GPT2: variants seen among roughly 807,000 people sequenced by gnomAD.
GPT2 encodes alanine aminotransferase 2.
GPT2 carries 30 observed loss-of-function variants against 56.9 expected under a neutral mutation model. That is an observed-to-expected ratio of 0.53 (90% CI 0.39 to 0.72). The LOEUF is 0.72. Among genes scored for constraint, GPT2 ranks in the 30% least tolerant of loss-of-function variants. The pLI is 0.00. For missense variants in GPT2, 542 were observed against 703.4 expected (o/e 0.77, Z 2.60); for synonymous variants, 271 against 283.1 (o/e 0.96, Z 0.43).
chr16:46,889,477 A>G (rs1027905973), intron 2 of GPT2, among the ~76,000 whole-genome samples: 2 of 151,836 alleles, frequency 1.3e-5, no homozygotes, highest in African/African-American at 4.8e-5. Flanking sequence ...CTGGTCTCAG[A>G]CTGCTAGCCT....
chr16:46,911,836 C>T (rs1961052466), intron 6 of GPT2, among the ~76,000 whole-genome samples: 2 of 152,204 alleles, frequency 1.3e-5, no homozygotes, highest in African/African-American at 4.8e-5. Context: ...ACCTAGTCCA[C>T]ATCACAGAGT....
intron 4 of GPT2, among the ~76,000 whole-genome samples, chr16:46,904,652 A>T (rs1239949192): frequency 6.6e-6 from 1 of 152,150 alleles, no homozygotes; most frequent in Non-Finnish European, 1.5e-5. Context: ...GGGCTTGCTA[A>T]TGGGTGAAGG....
At position 46,909,836 on chromosome 16, in the gene GPT2, G is replaced by A; in HGVS notation, c.729G>A (p.Leu243=). 6.2e-7 allele frequency: 1 copy of A among 1,614,188 alleles called. No homozygotes were observed. Among genetic ancestry groups the A allele is most frequent in the South Asian group, 1.1e-5 (1 of 91,080 alleles). Residue 243 remains leucine (L), a synonymous_variant, in exon 6 of 12, where the codon CTG becomes CTA. Transcript: ENST00000340124. ...YYLDEENCWA[L]NVNELRRAVQ... is the part of the protein sequence containing the mutation. ...TGGACGAGGAGAACTGCTGGGCGCT[G>A]AATGTGAATGAGCTCCGGCGGGCGG...
rs548296083 is a variant in GPT2, at chr16:46,920,074, G to T, written c.1037+1317G>T. Reference sequence around the variant, plus strand: ...AATGTTTTAAAACTCAGCCAGGTTTGGTGGTGCGCGCTTCCAGCTACTCAG... The same window carrying T: ...AATGTTTTAAAACTCAGCCAGGTTTTGTGGTGCGCGCTTCCAGCTACTCAG... On this transcript the variant is annotated intron_variant, in intron 8 of 11. Transcript: ENST00000340124. 5.3e-5 allele frequency among the ~76,000 whole-genome samples: 8 copies of T among 152,322 alleles called. No homozygotes were observed. The East Asian group carries it at 1.5e-3, about 29-fold the overall frequency.
At chr16:46,926,844 T>G in intron 10 of GPT2, 81 bp from the exon 11 acceptor site, 103 of 870,836 alleles carry the variant, frequency 1.2e-4, no homozygotes, top group Non-Finnish European at 1.5e-4. Context: ...AGACCTGCCA[T>G]TTAGATTACA....
At position 46,909,938 on chromosome 16, in the gene GPT2, T is replaced by A; in HGVS notation, c.820+11T>A. 7 of 1,583,424 alleles carry A rather than the reference T, an allele frequency of 4.4e-6. No individual in the cohort carries two copies. The highest frequency in any genetic ancestry group is 6.0e-6 in the Non-Finnish European group (7 of 1,160,098). On this transcript the variant is annotated intron_variant, in intron 6 of 11. Transcript: ENST00000340124. ...CTGGGAACCCCACAGGTCTGCACTTTACTTCCTCACCAGTTTCGTAGAGGG... is the reference window on the plus strand; with the variant it reads ...CTGGGAACCCCACAGGTCTGCACTTAACTTCCTCACCAGTTTCGTAGAGGG...
Position 46,884,400 on chromosome 16 carries a change from CG to C in GPT2, c.-86del. 1 of 215,870 alleles carries C rather than the reference CG, an allele frequency of 4.6e-6. No homozygotes were observed. Among genetic ancestry groups the C allele is most frequent in the Non-Finnish European group, 9.1e-6 (1 of 110,076 alleles). The allele number at this position is 215,870 out of a possible 1,614,324, so 13.4% of individuals were successfully genotyped here. A position where few individuals can be genotyped will look rare whatever the true frequency, so the allele number is the denominator to read the frequency against. ...GGCGCGGGGATGCGGCTGTGGGCGCCGGGGCCGGGTAGCTGCTCCAGGCGCG... is the reference window on the plus strand; with the variant it reads ...GGCGCGGGGATGCGGCTGTGGGCGCCGGGCCGGGTAGCTGCTCCAGGCGCG... On this transcript the variant is annotated 5_prime_UTR_variant, in exon 1 of 12. It removes the in-frame stop codon of an upstream open reading frame in the 5' UTR. Transcript: ENST00000340124.
intron 8 of GPT2, among the ~76,000 whole-genome samples, chr16:46,921,885 G>A (rs143022441): frequency 0.012 from 1,845 of 152,140 alleles, 34 homozygotes; most frequent in African/African-American, 0.042. Context: ...TTAGCCAGGC[G>A]TGGTGGCACA....
chr16:46,904,774 GTC>G (rs1960886879), intron 4 of GPT2, among the ~76,000 whole-genome samples: 1 of 152,152 alleles, frequency 6.6e-6, no homozygotes, highest in African/African-American at 2.4e-5. Flanking sequence ...GTCCTAGAAG[GTC>G]TCTCTTACAG....
At position 46,925,590 on chromosome 16, in the gene GPT2, G is replaced by T. The variant is rs562140718; in HGVS notation, c.1368+1046G>T. Among the ~76,000 whole-genome samples the T allele has an allele frequency of 1.6e-4, 25 of 152,182 alleles. No homozygotes were observed. In the South Asian group the frequency reaches 2.3e-3, roughly 14 times the overall value. Reference sequence around the variant, plus strand: ...TCACACCTGTGGTCTCAGCACTTTGGGAGGCTGAAGTGGGAGGATCATTTG... The same window carrying T: ...TCACACCTGTGGTCTCAGCACTTTGTGAGGCTGAAGTGGGAGGATCATTTG... On this transcript the variant is annotated intron_variant, in intron 10 of 11. Transcript: ENST00000340124.
At chr16:46,906,492 C>T (rs1024242183) in intron 4 of GPT2, among the ~76,000 whole-genome samples, 6 of 152,094 alleles carry the variant, frequency 3.9e-5, no homozygotes, top group Admixed American at 1.3e-4. Flanking sequence ...CATATAAATC[C>T]GAGGAGGGTG....
chr16:46,920,554 A>G (rs1961266435), intron 8 of GPT2, among the ~76,000 whole-genome samples: 2 of 152,202 alleles, frequency 1.3e-5, no homozygotes, highest in African/African-American at 4.8e-5. Flanking sequence ...TGTGTTCCCA[A>G]CGTGGTGGGG....
At position 46,918,668 on chromosome 16, in the gene GPT2, C is replaced by G; in HGVS notation, c.948C>G (p.Phe316Leu). The change falls in exon 8 of 12, where the codon TTC (phenylalanine) becomes TTG (leucine). Residue 316 changes from phenylalanine to leucine, a missense_variant. Coordinates refer to ENST00000340124, the MANE Select transcript of GPT2 (RefSeq NM_133443.4). ...VYSPDCRFHS[F>L]KKVLYEMGPE... ...CTCCAGATTGCAGATTCCACTCCTT[C>G]AAGAAGGTGCTGTACGAGATGGGGC... The G allele has an allele frequency of 6.2e-7, 1 of 1,614,214 alleles. No individual in the cohort carries two copies. The highest frequency in any genetic ancestry group is 8.5e-7 in the Non-Finnish European group (1 of 1,180,034).
chr16:46,905,059 C>CT (rs747352054), intron 4 of GPT2, among the ~76,000 whole-genome samples: 4,051 of 134,542 alleles, frequency 0.03, 57 homozygotes, highest in Middle Eastern at 0.053. Flanking sequence ...CAGTTCAGGG[C>CT]TTTTTTTTTT....
At chr16:46,913,108 C>T (rs945939031) in intron 6 of GPT2, among the ~76,000 whole-genome samples, 4 of 152,222 alleles carry the variant, frequency 2.6e-5, no homozygotes, top group Admixed American at 2.0e-4. Flanking sequence ...ACTGTTCATG[C>T]ACTTATCTGT....
intron 6 of GPT2, among the ~76,000 whole-genome samples, chr16:46,910,367 C>A (rs998732090): frequency 9.5e-6 from 1 of 104,808 alleles, no homozygotes; most frequent in African/African-American, 3.8e-5. Context: ...GGTGACAGAG[C>A]GAGACTCTGT....
chr16:46,893,244 C>T (rs535620467), intron 2 of GPT2, among the ~76,000 whole-genome samples: 1 of 152,358 alleles, frequency 6.6e-6, no homozygotes, highest in East Asian at 1.9e-4. Context: ...CATTCTCCTA[C>T]CTCAGCCTCC....
intron 4 of GPT2, among the ~76,000 whole-genome samples, chr16:46,903,662 T>A (rs1239534754): frequency 6.6e-6 from 1 of 152,156 alleles, no homozygotes; most frequent in East Asian, 1.9e-4. Flanking sequence ...GTCCTGGATC[T>A]CAATGGGGTT....
Position 46,884,687 on chromosome 16 carries a change from G to A in GPT2, c.-22-7G>A. The A allele has an allele frequency of 2.9e-6, 4 of 1,370,128 alleles. No homozygotes were observed. Among genetic ancestry groups the A allele is most frequent in the Non-Finnish European group, 3.8e-6 (4 of 1,059,622 alleles). The allele number at this position is 1,370,128 out of a possible 1,614,324, so 84.9% of individuals were successfully genotyped here. ...ACGTGTTTGTTCTTTTTCTCTTTTT[G>A]TGCCAGGGTTTCTCTCCGCAAGCGC... On this transcript the variant is annotated splice_region_variant and splice_polypyrimidine_tract_variant and intron_variant, in intron 1 of 11. Transcript: ENST00000340124.
Sources: allele counts gnomAD v4.1 joint callset (sites outside exome capture counted in the v4.1 genomes callset), GRCh38; gene constraint gnomAD v4.1.1; transcripts MANE v1.5; gene names NCBI Gene and HGNC (gene_info 2026-07-23, HGNC 2026-07-21).